The following CNTN1 variants were observed in gnomAD, a reference collection of about 807,000 sequenced individuals.
CNTN1 encodes contactin 1.
A neutral mutation model predicts 126.4 loss-of-function variants in CNTN1; 38 were observed. The observed-to-expected ratio is 0.30, with a 90% confidence interval of 0.23 to 0.39. CNTN1 has a LOEUF of 0.39. CNTN1 is among the 10% of genes least tolerant of loss of function. CNTN1 has a pLI of 1.00. For synonymous variants in CNTN1, 413 were observed against 422.6 expected (o/e 0.98, Z 0.28); for missense variants, 1,009 against 1,248.4 (o/e 0.81, Z 2.89).
chr12:40,788,807 T>G (rs1274934078), intron 1 of CNTN1, among the ~76,000 whole-genome samples: 3 of 152,138 alleles, frequency 2.0e-5, no homozygotes, highest in African/African-American at 7.2e-5. Flanking sequence ...AGCTTCTCTT[T>G]CTTTTATGTT....
intron 1 of CNTN1, among the ~76,000 whole-genome samples, chr12:40,776,438 C>G (rs545255495): frequency 7.9e-5 from 12 of 151,650 alleles, no homozygotes; most frequent in African/African-American, 2.4e-4. Context: ...TCACTTCCAG[C>G]CATTATTGAT....
chr12:40,936,940 C>T, intron 10 of CNTN1, 35 bp downstream of exon 10: 4 of 1,610,836 alleles, frequency 2.5e-6, no homozygotes, highest in South Asian at 2.2e-5. Flanking sequence ...GTTCCTGAGT[C>T]CCTGTTCAAG....
At chr12:40,993,716 C>T (rs1019032168) in intron 17 of CNTN1, among the ~76,000 whole-genome samples, 2 of 152,012 alleles carry the variant, frequency 1.3e-5, no homozygotes, top group Non-Finnish European at 2.9e-5. Context: ...ATGGCCAAGT[C>T]GGTGGATATT....
chr12:41,022,352 C>G lies in CNTN1; in HGVS notation c.2523+1912C>G, dbSNP rs1255991150. ...AGGAGTTGGTTTCACAGATGTCTGA[C>G]CTTTTCCAACTTACATTAAGTAAAA... On this transcript the variant is annotated intron_variant, in intron 20 of 23. Coordinates refer to ENST00000551295, the MANE Select transcript of CNTN1 (RefSeq NM_001843.4). 1.3e-5 allele frequency among the ~76,000 whole-genome samples: 2 copies of G among 152,254 alleles called. 1 individual carries two copies. Among genetic ancestry groups the G allele is most frequent in the South Asian group, 4.1e-4 (2 of 4,824 alleles).
intron 1 of CNTN1, among the ~76,000 whole-genome samples, chr12:40,700,686 G>T (rs1036417639): frequency 1.3e-5 from 2 of 151,984 alleles, no homozygotes; most frequent in African/African-American, 4.8e-5. Flanking sequence ...TGATGAAAAA[G>T]AAATTTATGA....
At chr12:40,929,441 G>A (rs1191184901) in intron 6 of CNTN1, among the ~76,000 whole-genome samples, 1 of 151,726 alleles carries the variant, frequency 6.6e-6, no homozygotes, top group African/African-American at 2.4e-5. Flanking sequence ...TGGCTTTCGA[G>A]TTATTAGACA....
chr12:40,794,447 T>A lies in CNTN1; in HGVS notation c.-77+101855T>A, dbSNP rs1283832157. ...TTAATAATGAATAACTACTTTTTTT[T>A]TTTTGCATGGTTGGTGAGGAAATAT... On this transcript the variant is annotated intron_variant, in intron 1 of 23. Transcript: ENST00000551295. Among the ~76,000 whole-genome samples, 3 of 152,092 alleles carry A rather than the reference T, an allele frequency of 2.0e-5. No individual in the cohort carries two copies. In the East Asian group the frequency reaches 5.8e-4, roughly 30 times the overall value.
chr12:40,938,040 C>T lies in CNTN1; in HGVS notation c.1228+353C>T, dbSNP rs79919387. 1.2e-3 allele frequency among the ~76,000 whole-genome samples: 188 copies of T among 152,242 alleles called. 2 individuals are homozygous for T. In the East Asian group the frequency reaches 0.019, roughly 15 times the overall value. On this transcript the variant is annotated intron_variant, in intron 11 of 23. Coordinates refer to ENST00000551295, the MANE Select transcript of CNTN1 (RefSeq NM_001843.4). ...AAGATAATTTTGAGAATGACCAGACCAGAGGATGAAGAGTCAAAACCCAGA... is the reference window on the plus strand; with the variant it reads ...AAGATAATTTTGAGAATGACCAGACTAGAGGATGAAGAGTCAAAACCCAGA...
rs1275559003 is a variant in CNTN1 at position 40,846,670 on chromosome 12, CT to C, written c.-76-61682del. On this transcript the variant is annotated intron_variant, in intron 1 of 23. Transcript: ENST00000551295. ...AATGTATAGGCATCCTCATTACAGTCTTTTTCTTTCTAATTTAAATTTTTGT... is the reference window on the plus strand; with the variant it reads ...AATGTATAGGCATCCTCATTACAGTCTTTTCTTTCTAATTTAAATTTTTGT... 1.2e-4 allele frequency among the ~76,000 whole-genome samples: 18 copies of C among 146,432 alleles called. No homozygotes were observed. In the East Asian group the frequency reaches 3.6e-3, roughly 29 times the overall value.
intron 15 of CNTN1, among the ~76,000 whole-genome samples, chr12:40,963,728 G>C (rs1198325729): frequency 1.3e-5 from 2 of 151,958 alleles, no homozygotes; most frequent in Non-Finnish European, 2.9e-5. Context: ...AATTTCCTCT[G>C]TTGTTGCAAT....
chr12:40,919,112 GTT>G (rs1485990159), intron 4 of CNTN1, among the ~76,000 whole-genome samples: 1 of 152,044 alleles, frequency 6.6e-6, no homozygotes, highest in East Asian at 1.9e-4. Context: ...AGGATAAAAT[GTT>G]TTTGTTATGT....
intron 1 of CNTN1, among the ~76,000 whole-genome samples, chr12:40,785,980 G>A (rs1940003107): frequency 6.6e-6 from 1 of 152,080 alleles, no homozygotes; most frequent in Admixed American, 6.6e-5. Context: ...AGATTCAGAA[G>A]GGACAAACAC....
intron 1 of CNTN1, among the ~76,000 whole-genome samples, chr12:40,747,799 G>A (rs1303355467): frequency 6.6e-6 from 1 of 152,070 alleles, no homozygotes; most frequent in East Asian, 1.9e-4. Context: ...TTTCTTAATA[G>A]GAAGTTGAGA....
intron 1 of CNTN1, among the ~76,000 whole-genome samples, chr12:40,831,662 C>T (rs566982155): frequency 6.9e-4 from 105 of 152,220 alleles, no homozygotes; most frequent in Non-Finnish European, 1.1e-3. Context: ...CCAATTTATT[C>T]CCTCTTATTG....
chr12:41,058,038 T>C (rs1383661961), intron 23 of CNTN1, among the ~76,000 whole-genome samples: 1 of 152,078 alleles, frequency 6.6e-6, no homozygotes, highest in South Asian at 2.1e-4. Context: ...ACAATTTTTA[T>C]AGGAGTAGTG....
At chr12:40,993,082 TCAACCTGTA>T in intron 16 of CNTN1, 29 bp from the exon 17 acceptor site, 2 of 1,572,208 alleles carry the variant, frequency 1.3e-6, no homozygotes, top group Non-Finnish European at 1.8e-6. Context: ...GATAAGTTAA[TCAACCTGTA>T]TTCTCTATTT....
At chr12:41,047,511 C>T (rs144148027) in intron 23 of CNTN1, among the ~76,000 whole-genome samples, 7 of 152,106 alleles carry the variant, frequency 4.6e-5, no homozygotes, top group African/African-American at 1.7e-4. Context: ...CTTTTTGTCA[C>T]TTCTACAGTA....
chr12:41,024,380 T>C lies in CNTN1; in HGVS notation c.2524-770T>C, dbSNP rs565151673. Among the ~76,000 whole-genome samples the C allele has an allele frequency of 7.6e-4, 116 of 152,180 alleles. 1 individual carries two copies. The highest frequency in any genetic ancestry group is 7.1e-3 in the Admixed American group (109 of 15,276). On this transcript the variant is annotated intron_variant, in intron 20 of 23. Coordinates refer to ENST00000551295, the MANE Select transcript of CNTN1 (RefSeq NM_001843.4). ...TATTTTTATTCATTTTATTCATACC[T>C]TAGATATAATTATAAATCTTGAATG... is the stretch of plus-strand genomic sequence containing the variant.
chr12:40,727,194 C>G (rs1226751990), intron 1 of CNTN1, among the ~76,000 whole-genome samples: 1 of 149,656 alleles, frequency 6.7e-6, no homozygotes, highest in Non-Finnish European at 1.5e-5. Flanking sequence ...AAAAACAATA[C>G]AAAAATCAAA....
Sources: allele counts gnomAD v4.1 joint callset (sites outside exome capture counted in the v4.1 genomes callset), GRCh38; gene constraint gnomAD v4.1.1; transcripts MANE v1.5; gene names NCBI Gene and HGNC (gene_info 2026-07-23, HGNC 2026-07-21).